Variants in FBXL13 observed in about 807,000 individuals in gnomAD.
FBXL13 encodes the protein F-box and leucine rich repeat protein 13, also known as F-box and leucine-rich repeat protein 13.
FBXL13 carries 67 observed loss-of-function variants against 83.6 expected under a neutral mutation model. The ratio of observed to expected loss-of-function variants is 0.80; its 90% CI spans 0.66 to 0.98. FBXL13 has a LOEUF of 0.98. Ranked by LOEUF, FBXL13 falls within the 50% of genes least tolerant of loss-of-function variation. FBXL13 has a pLI of 0.00. For synonymous variants in FBXL13, 272 were observed against 299.5 expected (o/e 0.91, Z 0.95); for missense variants, 822 against 866.5 (o/e 0.95, Z 0.64).
chr7:102,906,055 G>A (rs374356503), intron 11 of FBXL13, among the ~76,000 whole-genome samples: 57 of 152,128 alleles, frequency 3.7e-4, no homozygotes, highest in Admixed American at 2.3e-3. Context: ...CTTATATGGC[G>A]GCAGCAAGAA....
intron 7 of FBXL13, 112 bp from the exon 9 acceptor site, chr7:102,963,777 G>T: frequency 2.0e-6 from 2 of 1,020,848 alleles, no homozygotes; most frequent in Non-Finnish European, 2.7e-6. Context: ...CTTCTGTACA[G>T]CAAAAGAAAC....
chr7:103,014,038 G>C (rs1791961033), intron 6 of FBXL13, among the ~76,000 whole-genome samples: 1 of 152,100 alleles, frequency 6.6e-6, no homozygotes, highest in South Asian at 2.1e-4. Context: ...AAACCTAAAA[G>C]AAATGGATAA....
At chr7:102,985,438 A>C (rs888580037) in intron 6 of FBXL13, among the ~76,000 whole-genome samples, 4 of 152,210 alleles carry the variant, frequency 2.6e-5, no homozygotes, top group African/African-American at 9.6e-5. Context: ...CAAACTGTGG[A>C]TAGATAACTA....
intron 17 of FBXL13, among the ~76,000 whole-genome samples, chr7:102,849,490 T>C (rs1228644779): frequency 1.3e-5 from 2 of 152,244 alleles, no homozygotes; most frequent in Non-Finnish European, 2.9e-5. Context: ...GCGAATTATG[T>C]AGTGTGTAAG....
At chr7:102,846,887 C>G (rs1804077980) in intron 17 of FBXL13, among the ~76,000 whole-genome samples, 1 of 152,180 alleles carries the variant, frequency 6.6e-6, no homozygotes, top group African/African-American at 2.4e-5. Flanking sequence ...TCAATGCTCA[C>G]TGACGGTGGC....
chr7:102,937,387 A>T (rs1820531712), intron 8 of FBXL13, among the ~76,000 whole-genome samples: 1 of 151,718 alleles, frequency 6.6e-6, no homozygotes, highest in Non-Finnish European at 1.5e-5. Flanking sequence ...GGCACCTGTA[A>T]TCCCACCTAC....
chr7:103,071,862 T>C (rs1798990920), intron 1 of FBXL13, among the ~76,000 whole-genome samples: 1 of 152,174 alleles, frequency 6.6e-6, no homozygotes, highest in African/African-American at 2.4e-5. Context: ...TTGCAGAAGA[T>C]GGGTTTTAGA....
chr7:102,919,307 A>G (rs1224032321), intron 10 of FBXL13, among the ~76,000 whole-genome samples: 2 of 152,226 alleles, frequency 1.3e-5, no homozygotes, highest in Non-Finnish European at 2.9e-5. Flanking sequence ...TATGCTAATG[A>G]AAAGGCATAT....
chr7:102,847,596 G>A (rs938334662), intron 17 of FBXL13, among the ~76,000 whole-genome samples: 5 of 150,806 alleles, frequency 3.3e-5, no homozygotes, highest in Non-Finnish European at 5.9e-5. Context: ...GTGTGATCTC[G>A]GCTCACTGCA....
chr7:102,889,409 A>T (rs541811853), intron 11 of FBXL13, among the ~76,000 whole-genome samples: 3 of 152,184 alleles, frequency 2.0e-5, no homozygotes, highest in Admixed American at 2.0e-4. Context: ...GTTTGTTTTT[A>T]ATTTTTATTA....
At chr7:102,984,639 C>T (rs191885065) in intron 6 of FBXL13, among the ~76,000 whole-genome samples, 121 of 151,794 alleles carry the variant, frequency 8.0e-4, no homozygotes, top group African/African-American at 2.7e-3. Context: ...TTTTTAATGC[C>T]GTACTTTCAA....
intron 17 of FBXL13, among the ~76,000 whole-genome samples, chr7:102,846,096 A>G (rs1308044581): frequency 6.6e-6 from 1 of 152,356 alleles, no homozygotes; most frequent in East Asian, 1.9e-4. Context: ...AGTGCCTGAC[A>G]TGTAGTAAGG....
intron 1 of FBXL13, among the ~76,000 whole-genome samples, chr7:103,068,150 C>CGGAA (rs1563296326): frequency 6.6e-6 from 1 of 152,108 alleles, no homozygotes; most frequent in Non-Finnish European, 1.5e-5. Flanking sequence ...AGGATGTGAA[C>CGGAA]GGAACATCCC....
intron 6 of FBXL13, among the ~76,000 whole-genome samples, chr7:102,986,647 G>A (rs1391357081): frequency 6.6e-6 from 1 of 152,186 alleles, no homozygotes; most frequent in Non-Finnish European, 1.5e-5. Flanking sequence ...AGCAGGGGAA[G>A]AAGGATATTA....
chr7:102,939,850 A>C (rs1821053383), intron 8 of FBXL13, among the ~76,000 whole-genome samples: 1 of 152,150 alleles, frequency 6.6e-6, no homozygotes. Flanking sequence ...TAGATTTTTA[A>C]AGTAATATAT....
At chr7:102,943,350 G>T (rs1200346034) in intron 8 of FBXL13, among the ~76,000 whole-genome samples, 1 of 136,084 alleles carries the variant, frequency 7.3e-6, no homozygotes, top group Admixed American at 7.4e-5. Context: ...AAAAAAAAAA[G>T]CCCAAAATAC....
chr7:103,061,196 CTTTT>C (rs1241086753), intron 1 of FBXL13, among the ~76,000 whole-genome samples: 1 of 146,102 alleles, frequency 6.8e-6, no homozygotes, highest in Non-Finnish European at 1.5e-5. Flanking sequence ...TTGTTTTTTT[CTTTT>C]TTGTTTTTTG....
chr7:102,968,541 G>C (rs1826238958), intron 6 of FBXL13, among the ~76,000 whole-genome samples: 1 of 151,836 alleles, frequency 6.6e-6, no homozygotes, highest in South Asian at 2.1e-4. Context: ...ATTCCTCAGA[G>C]AAGAAAAAAA....
At chr7:102,944,453 AAT>A in intron 8 of FBXL13, 8 of 1,614,086 alleles carry the variant, frequency 5.0e-6, no homozygotes, top group Non-Finnish European at 6.8e-6. Context: ...TCTGTGGGAA[AAT>A]ATATTAGAAG....
Sources: allele counts gnomAD v4.1 joint callset (sites outside exome capture counted in the v4.1 genomes callset), GRCh38; gene constraint gnomAD v4.1.1; transcripts MANE v1.5; gene names NCBI Gene and HGNC (gene_info 2026-07-23, HGNC 2026-07-21).